The following EFCAB11 variants were observed in gnomAD, a reference collection of about 807,000 sequenced individuals.
EFCAB11 encodes the protein EF-hand calcium-binding domain-containing protein 11.
Under a neutral mutation model 23.0 loss-of-function variants are expected in EFCAB11, and 14 were observed. The ratio of observed to expected loss-of-function variants is 0.61; its 90% CI spans 0.40 to 0.95. The LOEUF (loss-of-function observed/expected upper bound fraction) is 0.95, where lower values mean the gene tolerates loss of function less well. EFCAB11 is among the 40% of genes least tolerant of loss of function. The pLI is 0.00. For missense variants in EFCAB11, 198 were observed against 195.8 expected, an observed-to-expected ratio of 1.01 and a Z score of -0.07; for synonymous variants, 65 against 66.6, an observed-to-expected ratio of 0.98 and a Z score of 0.11.
At chr14:89,941,095 G>A (rs990199996) in intron 3 of EFCAB11, among the ~76,000 whole-genome samples, 4 of 152,172 alleles carry the variant, frequency 2.6e-5, no homozygotes, top group African/African-American at 9.7e-5. Context: ...CATCGACACT[G>A]ACATCCACTC....
intron 5 of EFCAB11, among the ~76,000 whole-genome samples, chr14:89,835,431 T>C (rs1382558914): frequency 1.3e-5 from 2 of 152,016 alleles, no homozygotes; most frequent in Non-Finnish European, 2.9e-5. Flanking sequence ...TAATTTTATA[T>C]AATATTTTCA....
chr14:89,917,199 C>A (rs2139778837), intron 5 of EFCAB11, among the ~76,000 whole-genome samples: 1 of 152,096 alleles, frequency 6.6e-6, no homozygotes, highest in South Asian at 2.1e-4. Context: ...CACTAGAATT[C>A]ATTCACCCTG....
At chr14:89,929,044 T>C (rs559154105) in intron 5 of EFCAB11, among the ~76,000 whole-genome samples, 25 of 138,948 alleles carry the variant, frequency 1.8e-4, no homozygotes, top group Non-Finnish European at 2.6e-4. Flanking sequence ...TATATATATA[T>C]ACACACACAC....
intron 5 of EFCAB11, among the ~76,000 whole-genome samples, chr14:89,914,046 C>G (rs1295785508): frequency 6.6e-6 from 1 of 152,170 alleles, no homozygotes; most frequent in Non-Finnish European, 1.5e-5. Flanking sequence ...GTTGCTACAC[C>G]TGTCAGCAAC....
At chr14:89,868,614 C>T (rs1888172497) in intron 5 of EFCAB11, among the ~76,000 whole-genome samples, 1 of 152,200 alleles carries the variant, frequency 6.6e-6, no homozygotes. Flanking sequence ...GCCTTCTGTA[C>T]CTGGAGGAGG....
chr14:89,802,412 G>C (rs1211950479), intron 5 of EFCAB11, among the ~76,000 whole-genome samples: 2 of 151,960 alleles, frequency 1.3e-5, no homozygotes, highest in South Asian at 4.2e-4. Flanking sequence ...TTTATTTAGA[G>C]ACAGAGTCTT....
At chr14:89,892,204 C>T in intron 5 of EFCAB11, 2 of 1,596,400 alleles carry the variant, frequency 1.3e-6, no homozygotes, top group Non-Finnish European at 1.7e-6. Context: ...CCCGCTGTGT[C>T]TCAGCCCAGG....
At chr14:89,836,575 T>A in intron 5 of EFCAB11, 1 of 456,762 alleles carries the variant, frequency 2.2e-6, no homozygotes, top group South Asian at 1.5e-5. Flanking sequence ...AGTACTCCCC[T>A]GTGCCATAGA....
intron 5 of EFCAB11, among the ~76,000 whole-genome samples, chr14:89,807,975 C>T (rs964685879): frequency 2.5e-4 from 38 of 152,174 alleles, no homozygotes; most frequent in African/African-American, 7.7e-4. Context: ...TCAAATGAGG[C>T]AATTCAAACG....
At chr14:89,836,433 G>T in intron 5 of EFCAB11, 1 of 383,630 alleles carries the variant, frequency 2.6e-6, no homozygotes, top group South Asian at 2.0e-5. Context: ...ACCTTTGCAG[G>T]CCTCTTCCTG....
At chr14:89,856,303 C>T (rs947233630) in intron 5 of EFCAB11, among the ~76,000 whole-genome samples, 1 of 151,672 alleles carries the variant, frequency 6.6e-6, no homozygotes, top group African/African-American at 2.4e-5. Context: ...ATTATCCTGG[C>T]TTAGTCCCCC....
chr14:89,836,958 G>C (rs116058255), intron 5 of EFCAB11: 194 of 449,488 alleles, frequency 4.3e-4, no homozygotes, highest in African/African-American at 3.1e-3. Context: ...GGAAGTGGAG[G>C]CTGCAGTGAG....
chr14:89,952,466 T>G (rs1280499753), intron 2 of EFCAB11: 1 of 985,302 alleles, frequency 1.0e-6, no homozygotes, highest in Non-Finnish European at 1.2e-6. Context: ...TAATTCCAAC[T>G]GAAATGATTA....
chr14:89,915,491 C>T (rs914172146), intron 5 of EFCAB11, among the ~76,000 whole-genome samples: 2 of 152,154 alleles, frequency 1.3e-5, no homozygotes, highest in Admixed American at 6.5e-5. Context: ...CAAAGGTGCT[C>T]GGCTCTCAAT....
intron 5 of EFCAB11, among the ~76,000 whole-genome samples, chr14:89,822,306 A>C (rs1173590216): frequency 6.6e-6 from 1 of 152,248 alleles, no homozygotes; most frequent in African/African-American, 2.4e-5. Flanking sequence ...GTATTATTAA[A>C]ACTCAGAGTA....
intron 5 of EFCAB11, among the ~76,000 whole-genome samples, chr14:89,861,333 T>C (rs1887912875): frequency 6.6e-6 from 1 of 152,226 alleles, no homozygotes. Flanking sequence ...TACCTGATTC[T>C]GTGTTAAGAT....
rs1372444870 is a variant in EFCAB11, at chr14:89,944,936, AAT to A, written c.217+5159_217+5160del. On this transcript the variant is annotated intron_variant, in intron 3 of 5. Transcript: ENST00000316738. Reference sequence around the variant, plus strand: ...AATATTAGATTTTATTAGATCTAATAATAAATCTAATAAAATATTAGATTTTA... The same window carrying A: ...AATATTAGATTTTATTAGATCTAATAAAATCTAATAAAATATTAGATTTTA... Among the ~76,000 whole-genome samples the A allele has an allele frequency of 2.0e-3, 234 of 115,378 alleles. 9 individuals are homozygous for A. The highest frequency in any genetic ancestry group is 0.013 in the Admixed American group (143 of 11,110). 75.7% of individuals were successfully genotyped at this position (115,378 alleles called of 152,430 possible). A position where few individuals can be genotyped will look rare whatever the true frequency, so the allele number is the denominator to read the frequency against.
rs191279236 is a variant in EFCAB11 at position 89,822,952 on chromosome 14, C to T, written c.411-25628G>A. Among the ~76,000 whole-genome samples the T allele has an allele frequency of 2.8e-4, 42 of 152,236 alleles. No homozygotes were observed. The East Asian group carries it at 7.9e-3, about 29-fold the overall frequency. On this transcript the variant is annotated intron_variant, in intron 5 of 5. Transcript: ENST00000316738. Reference sequence around the variant, plus strand: ...CATCGCAATACTCTTTAAAAGAAGACATCAAAATCCTGCTACTTGGCCATC... The same window carrying T: ...CATCGCAATACTCTTTAAAAGAAGATATCAAAATCCTGCTACTTGGCCATC...
chr14:89,942,368 T>C (rs1328456224), intron 3 of EFCAB11, among the ~76,000 whole-genome samples: 1 of 152,212 alleles, frequency 6.6e-6, no homozygotes, highest in Non-Finnish European at 1.5e-5. Flanking sequence ...TAATAAATAC[T>C]GTAAAAGGAT....
Sources: gnomAD v4.1 joint callset for allele counts (sites outside exome capture counted in the v4.1 genomes callset) on GRCh38, gnomAD v4.1.1 for gene constraint, MANE v1.5 for transcripts, NCBI Gene and HGNC (gene_info 2026-07-23, HGNC 2026-07-21) for gene names.